The following AGBL1 variants were observed in gnomAD, a reference collection of about 807,000 sequenced individuals.
AGBL1 encodes the protein cytosolic carboxypeptidase 4.
AGBL1 carries 130 observed loss-of-function variants against 118.9 expected under a neutral mutation model. The ratio of observed to expected loss-of-function variants is 1.09; its 90% CI spans 0.95 to 1.26. AGBL1 has a LOEUF of 1.26. AGBL1 is among the 50% of genes most tolerant of loss of function. The pLI is 0.00. For synonymous variants in AGBL1, 555 were observed against 478.9 expected, an observed-to-expected ratio of 1.16 and a Z score of -2.08; for missense variants, 1,584 against 1,298.1, an observed-to-expected ratio of 1.22 and a Z score of -3.38.
intron 21 of AGBL1, among the ~76,000 whole-genome samples, chr15:86,573,189 G>A (rs2084035221): frequency 6.6e-6 from 1 of 152,176 alleles, no homozygotes; most frequent in Non-Finnish European, 1.5e-5. Flanking sequence ...ATAACCAAGG[G>A]CAGATAATAG....
intron 21 of AGBL1, among the ~76,000 whole-genome samples, chr15:86,660,351 TACAA>T (rs2085519644): frequency 6.6e-6 from 1 of 152,038 alleles, no homozygotes; most frequent in African/African-American, 2.4e-5. Flanking sequence ...TAAACAAACA[TACAA>T]ATAAATAAAT....
chr15:86,754,431 T>C lies in AGBL1; in HGVS notation c.3158+79995T>C, dbSNP rs147460801. 4.7e-3 allele frequency among the ~76,000 whole-genome samples: 710 copies of C among 152,210 alleles called. 7 individuals carry two copies. Among genetic ancestry groups the C allele is most frequent in the African/African-American group, 0.016 (664 of 41,562 alleles). On this transcript the variant is annotated intron_variant, in intron 22 of 22. Coordinates refer to ENST00000614907, the MANE Select transcript of AGBL1 (RefSeq NM_001386094.1). ...GGTTCTGTCACCAGGTAGGTTCTGA[T>C]GTCTGGGTTTTGTTTATTTTCCTCT...
chr15:86,222,876 T>TA (rs1257218417), intron 5 of AGBL1, among the ~76,000 whole-genome samples: 2 of 152,192 alleles, frequency 1.3e-5, no homozygotes, highest in Admixed American at 6.5e-5. Context: ...AAAGGGTAAC[T>TA]AAGCCATACT....
intron 22 of AGBL1, among the ~76,000 whole-genome samples, chr15:86,681,337 T>G (rs2085952267): frequency 6.6e-6 from 1 of 152,192 alleles, no homozygotes; most frequent in Admixed American, 6.5e-5. Context: ...GAGTTTCCTT[T>G]TATTCATGTT....
intron 18 of AGBL1, among the ~76,000 whole-genome samples, chr15:86,455,276 A>G (rs2082246178): frequency 6.6e-6 from 1 of 152,192 alleles, no homozygotes; most frequent in South Asian, 2.1e-4. Flanking sequence ...GTAGAACAAA[A>G]CTTATAACAA....
At chr15:86,483,305 T>C (rs568305118) in intron 18 of AGBL1, among the ~76,000 whole-genome samples, 3 of 152,050 alleles carry the variant, frequency 2.0e-5, no homozygotes, top group African/African-American at 7.2e-5. Flanking sequence ...CAAGGAATGC[T>C]AGTTGGTAGT....
chr15:86,338,346 A>T (rs184384978), intron 17 of AGBL1, among the ~76,000 whole-genome samples: 48 of 152,290 alleles, frequency 3.2e-4, no homozygotes, highest in African/African-American at 1.1e-3. Context: ...GTGGAGAGGC[A>T]GAGGTAAGTT....
chr15:86,128,724 A>G (rs1016692942), intron 1 of AGBL1, among the ~76,000 whole-genome samples: 2 of 152,146 alleles, frequency 1.3e-5, no homozygotes, highest in Admixed American at 1.3e-4. Context: ...TCTTTGGCCA[A>G]ATGAACTCAT....
chr15:86,384,103 G>A (rs1014055220), intron 17 of AGBL1, among the ~76,000 whole-genome samples: 13 of 152,088 alleles, frequency 8.5e-5, no homozygotes, highest in Non-Finnish European at 1.5e-4. Context: ...TTGCTGTACC[G>A]CGTGGGCTCC....
At chr15:86,621,584 A>G (rs1276209858) in intron 21 of AGBL1, among the ~76,000 whole-genome samples, 1 of 152,110 alleles carries the variant, frequency 6.6e-6, no homozygotes, top group South Asian at 2.1e-4. Flanking sequence ...TAGTCATTGG[A>G]TCTTAGACTC....
rs2080327677 is a variant in AGBL1 at position 86,909,920 on chromosome 15, A to G, written c.*2626A>G. 1 of 152,228 alleles carries G rather than the reference A, an allele frequency of 6.6e-6. No individual in the cohort carries two copies. Among genetic ancestry groups the G allele is most frequent in the African/African-American group, 2.4e-5 (1 of 41,466 alleles). The allele number at this position is 152,228 out of a possible 1,614,324, so 9.4% of individuals were successfully genotyped here. On this transcript the variant is annotated 3_prime_UTR_variant, in exon 23 of 23. Transcript: ENST00000614907. ...ATGTTCAGAAAAAGCCAGGAACATG[A>G]AGTATTTGTTGATCCATCTATGTAA...
intron 22 of AGBL1, among the ~76,000 whole-genome samples, chr15:86,728,875 G>A (rs2077492161): frequency 1.3e-5 from 2 of 152,252 alleles, no homozygotes; most frequent in Non-Finnish European, 2.9e-5. Flanking sequence ...TGCACATCCA[G>A]ATTTAGTTTG....
At chr15:86,583,348 C>A (rs1009023509) in intron 21 of AGBL1, among the ~76,000 whole-genome samples, 6 of 151,974 alleles carry the variant, frequency 3.9e-5, no homozygotes, top group Non-Finnish European at 5.9e-5. Context: ...CCCCTCCCTA[C>A]CCCTCTCTCC....
chr15:86,472,695 G>T (rs2082494586), intron 18 of AGBL1, among the ~76,000 whole-genome samples: 1 of 152,188 alleles, frequency 6.6e-6, no homozygotes, highest in Non-Finnish European at 1.5e-5. Context: ...GAGATGGGTG[G>T]ATCACCTGAG....
intron 21 of AGBL1, among the ~76,000 whole-genome samples, chr15:86,627,731 T>C (rs2084908450): frequency 6.6e-6 from 1 of 152,146 alleles, no homozygotes; most frequent in Non-Finnish European, 1.5e-5. Flanking sequence ...GGGTATACAG[T>C]TAGGAAGGAA....
intron 16 of AGBL1, among the ~76,000 whole-genome samples, chr15:86,290,266 T>C (rs2141755779): frequency 6.6e-6 from 1 of 152,138 alleles, no homozygotes; most frequent in South Asian, 2.1e-4. Context: ...AACTGGGTTT[T>C]ATTTTAGTCT....
At chr15:86,164,624 C>A (rs187937707) in intron 5 of AGBL1, among the ~76,000 whole-genome samples, 130 of 152,300 alleles carry the variant, frequency 8.5e-4, no homozygotes, top group Non-Finnish European at 1.2e-3. Context: ...CTTTTGGATT[C>A]TCACAGTGTA....
intron 22 of AGBL1, among the ~76,000 whole-genome samples, chr15:86,715,287 A>G (rs2086621180): frequency 6.6e-6 from 1 of 152,206 alleles, no homozygotes; most frequent in African/African-American, 2.4e-5. Context: ...CTATTTCTAT[A>G]ATGGCAAATT....
At chr15:86,426,919 C>T in intron 18 of AGBL1, among the ~76,000 whole-genome samples, 2 of 152,192 alleles carry the variant, frequency 1.3e-5, no homozygotes, top group East Asian at 3.9e-4. Context: ...GTGCACACCA[C>T]CACTCCCAGC....
Sources: gnomAD v4.1 joint callset for allele counts (sites outside exome capture counted in the v4.1 genomes callset) on GRCh38, gnomAD v4.1.1 for gene constraint, MANE v1.5 for transcripts, NCBI Gene and HGNC (gene_info 2026-07-23, HGNC 2026-07-21) for gene names.